FDX1: variants seen among roughly 807,000 people sequenced by gnomAD.
The protein encoded by FDX1 is adrenodoxin, mitochondrial.
In FDX1, 9 loss-of-function variants were observed where a neutral mutation model predicts 14.9. The ratio of observed to expected loss-of-function variants is 0.60; its 90% CI spans 0.36 to 1.05. The LOEUF (loss-of-function observed/expected upper bound fraction) is 1.05. FDX1 is among the 50% of genes least tolerant of loss of function. The pLI is 0.01. For missense variants in FDX1, 204 were observed against 237.2 expected (o/e 0.86, Z 0.92); for synonymous variants, 92 against 99.4 (o/e 0.93, Z 0.44).
chr11:110,430,248 C>G lies in FDX1; in HGVS notation c.128C>G (p.Pro43Arg), dbSNP rs905316327. The G allele has an allele frequency of 8.3e-6, 10 of 1,205,128 alleles. No individual in the cohort carries two copies. Among genetic ancestry groups the G allele is most frequent in the Non-Finnish European group, 1.0e-5 (10 of 970,876 alleles). The allele number at this position is 1,205,128 out of a possible 1,614,324, so 74.7% of individuals were successfully genotyped here. The change falls in exon 1 of 4, where the codon CCG (proline) becomes CGG (arginine). Residue 43 changes from proline (P) to arginine (R), a missense_variant. By Grantham distance (103) the Pro-to-Arg change is moderately radical. Coordinates refer to ENST00000260270, the MANE Select transcript of FDX1 (RefSeq NM_004109.5). ...AGCGGCCTGCTGAGGAACCGGGGGC[C>G]GGGCGGGAGCGCGGAGGCGAGCCGG... ...GSSGLLRNRG[P>R]GGSAEASRSL...
Position 110,462,405 on chromosome 11 carries a change from T to C in FDX1, c.492T>C (p.Thr164=). Residue 164 remains threonine, a synonymous_variant, in exon 4 of 4, where the codon ACT becomes ACC. Transcript: ENST00000260270. The part of the protein sequence containing the change: ...ICLTKSMDNM[T]VRVPETVADA... ...TGACAAAATCTATGGACAATATGAC[T>C]GTTCGAGTGCCTGAAACAGTGGCTG... The C allele has an allele frequency of 1.2e-6, 2 of 1,612,802 alleles. No individual in the cohort carries two copies. Among genetic ancestry groups the C allele is most frequent in the Non-Finnish European group, 1.7e-6 (2 of 1,178,906 alleles).
intron 2 of FDX1, among the ~76,000 whole-genome samples, chr11:110,444,704 ACGTATATATATATATATACG>A (rs1946433881): frequency 4.9e-5 from 2 of 40,962 alleles, no homozygotes; most frequent in African/African-American, 1.4e-4. Context: ...ATATATATAT[ACGTATATATATATATATACG>A]TATATATATA....
chr11:110,457,881 A>G (rs1946532257), intron 3 of FDX1, among the ~76,000 whole-genome samples: 3 of 152,088 alleles, frequency 2.0e-5, no homozygotes, highest in Admixed American at 2.0e-4. Flanking sequence ...AAGAAGAATC[A>G]TTTTGTTCCT....
At chr11:110,445,861 G>A (rs12279913) in intron 2 of FDX1, among the ~76,000 whole-genome samples, 24,015 of 151,934 alleles carry the variant, frequency 0.16, 2,029 homozygotes, top group Non-Finnish European at 0.19. Context: ...GTTAACATAG[G>A]TATTAATACA....
At chr11:110,451,266 C>T (rs1405531979) in intron 2 of FDX1, among the ~76,000 whole-genome samples, 3 of 152,100 alleles carry the variant, frequency 2.0e-5, no homozygotes, top group African/African-American at 4.8e-5. Context: ...ACACACAGAA[C>T]CTATTTCTTC....
chr11:110,452,328 T>C (rs911336407), intron 2 of FDX1, among the ~76,000 whole-genome samples: 4 of 152,124 alleles, frequency 2.6e-5, no homozygotes, highest in African/African-American at 9.7e-5. Flanking sequence ...AAAATACTTG[T>C]AAATCACATA....
intron 2 of FDX1, among the ~76,000 whole-genome samples, chr11:110,444,670 A>G (rs1420967576): frequency 9.8e-5 from 7 of 71,392 alleles, no homozygotes; most frequent in Admixed American, 5.2e-4. Flanking sequence ...ATATACGTAT[A>G]TATATATATA....
chr11:110,461,498 A>T (rs1591256074), intron 3 of FDX1, among the ~76,000 whole-genome samples: 1 of 48,360 alleles, frequency 2.1e-5, no homozygotes, highest in African/African-American at 1.2e-4. Context: ...CCCTGTCTTA[A>T]AAAAAAAAAA....
At chr11:110,441,318 A>G (rs1455290418) in intron 2 of FDX1, among the ~76,000 whole-genome samples, 1 of 152,236 alleles carries the variant, frequency 6.6e-6, no homozygotes, top group Non-Finnish European at 1.5e-5. Context: ...GAACCAGGTA[A>G]CAGGCAGACA....
chr11:110,458,610 GTTTC>G (rs374785802), intron 3 of FDX1, among the ~76,000 whole-genome samples: 30 of 151,278 alleles, frequency 2.0e-4, no homozygotes, highest in African/African-American at 7.3e-4. Flanking sequence ...AAACACCATC[GTTTC>G]TTTTTTTTTT....
Position 110,463,897 on chromosome 11 carries a change from AGT to A in FDX1, c.*1430_*1431del, listed in dbSNP as rs1946574867. The A allele has an allele frequency of 6.9e-6, 1 of 144,268 alleles. No homozygotes were observed. Among genetic ancestry groups the A allele is most frequent in the Admixed American group, 7.0e-5 (1 of 14,302 alleles). 8.9% of individuals were successfully genotyped at this position (144,268 alleles called of 1,614,324 possible). On this transcript the variant is annotated 3_prime_UTR_variant, in exon 4 of 4. Coordinates refer to ENST00000260270, the MANE Select transcript of FDX1 (RefSeq NM_004109.5). ...ATTTGATGCTTAATAACTATTGAGT[AGT>A]TTTTTTTTTTTTTTTTTGGTGGGGG...
rs374351648 is a variant in FDX1, at chr11:110,454,514, TAAGTC to T, written c.311-2401_311-2397del. ...TAGTTGCCTACAGCATTGGGAAACTTAAGTCAAAGTCATAACTCATCTCTAACTAG... is the reference window on the plus strand; with the variant it reads ...TAGTTGCCTACAGCATTGGGAAACTTAAAGTCATAACTCATCTCTAACTAG... On this transcript the variant is annotated intron_variant, in intron 2 of 3. Transcript: ENST00000260270. 1.7e-3 allele frequency among the ~76,000 whole-genome samples: 254 copies of T among 152,332 alleles called. 1 individual carries two copies. The highest frequency in any genetic ancestry group is 5.8e-3 in the African/African-American group (240 of 41,578).
intron 3 of FDX1, among the ~76,000 whole-genome samples, chr11:110,460,779 G>A (rs1946551667): frequency 6.6e-6 from 1 of 152,324 alleles, no homozygotes; most frequent in South Asian, 2.1e-4. Context: ...ACCATTTGGT[G>A]AGGTTAAGCA....
intron 1 of FDX1, among the ~76,000 whole-genome samples, chr11:110,433,584 G>A (rs577413240): frequency 4.6e-5 from 7 of 152,266 alleles, no homozygotes; most frequent in Admixed American, 3.3e-4. Flanking sequence ...CCTGCCTCTA[G>A]GGTATTTTCA....
At chr11:110,431,283 A>T (rs922848081) in intron 1 of FDX1, among the ~76,000 whole-genome samples, 1 of 152,256 alleles carries the variant, frequency 6.6e-6, no homozygotes, top group Non-Finnish European at 1.5e-5. Flanking sequence ...TACAATTTAC[A>T]CATAATTTTT....
chr11:110,437,247 G>A (rs984857621), intron 2 of FDX1, among the ~76,000 whole-genome samples: 1 of 152,154 alleles, frequency 6.6e-6, no homozygotes, highest in Non-Finnish European at 1.5e-5. Flanking sequence ...TCCTGCCTTG[G>A]CCTCCCAAAG....
rs762764221 is a variant in FDX1, at chr11:110,456,921, C to T, written c.314C>T (p.Ala105Val). The T allele has an allele frequency of 8.1e-6, 13 of 1,610,210 alleles. No individual in the cohort carries two copies. Among genetic ancestry groups the T allele is most frequent in the Non-Finnish European group, 1.1e-5 (13 of 1,178,162 alleles). Residue 105 changes from alanine (A) to valine (V), a missense_variant, in exon 3 of 4, where the codon GCA (alanine) becomes GTA (valine). Physicochemically the swap from Ala to Val is moderately conservative, Grantham distance 64 (BLOSUM62 0). Transcript: ENST00000260270. ...ENNLDIDGFG[A>V]CEGTLACSTC... ...CAGTGTTTGTTGCTTTTGTCAGGTG[C>T]ATGTGAGGGAACCCTGGCTTGTTCA...
At position 110,435,851 on chromosome 11, in the gene FDX1, C is replaced by A; in HGVS notation, c.203C>A (p.Thr68Lys). 1 of 1,601,608 alleles carries A rather than the reference C, an allele frequency of 6.2e-7. No individual in the cohort carries two copies. The highest frequency in any genetic ancestry group is 1.1e-5 in the South Asian group (1 of 88,432). The change falls in exon 2 of 4, where the codon ACA (threonine) becomes AAA (lysine). Residue 68 changes from threonine to lysine, a missense_variant. By Grantham distance (78) the Thr-to-Lys change is moderately conservative (BLOSUM62 -1). Transcript: ENST00000260270. ...RARSSSEDKI[T>K]VHFINRDGET... is the part of the protein sequence containing the mutation. ...TTTTCCAGCTCAGAAGATAAAATAA[C>A]AGTCCACTTTATAAACCGTGATGGT...
chr11:110,439,739 A>T (rs932511769), intron 2 of FDX1, among the ~76,000 whole-genome samples: 6 of 152,134 alleles, frequency 3.9e-5, no homozygotes, highest in Admixed American at 2.0e-4. Flanking sequence ...TTAGTCATAA[A>T]AATTCTTTGC....
Sources: allele counts gnomAD v4.1 joint callset (sites outside exome capture counted in the v4.1 genomes callset), GRCh38; gene constraint gnomAD v4.1.1; transcripts MANE v1.5; gene names NCBI Gene and HGNC (gene_info 2026-07-23, HGNC 2026-07-21).